Variants in ERAP1 observed in about 807,000 individuals in gnomAD.
ERAP1 encodes the protein adipocyte-derived leucine aminopeptidase.
A neutral mutation model predicts 103.7 loss-of-function variants in ERAP1; 86 were observed. That is an observed-to-expected ratio of 0.83 (90% confidence interval 0.70 to 0.99). The LOEUF is 0.99. Ranked by LOEUF, ERAP1 falls within the 50% of genes least tolerant of loss-of-function variation. The pLI is 0.00. For missense variants in ERAP1, 1,009 were observed against 1,128.4 expected, an observed-to-expected ratio of 0.89 and a Z score of 1.52; for synonymous variants, 398 against 402.4, an observed-to-expected ratio of 0.99 and a Z score of 0.13.
chr5:96,774,418 T>C, downstream of ERAP1: 2 of 685,812 alleles, frequency 2.9e-6, no homozygotes, highest in Non-Finnish European at 3.6e-6. Flanking sequence ...TGGAGTAAGC[T>C]ACAGGATCTA....
At chr5:96,843,810 C>G in the ERAP1 span, among the ~76,000 whole-genome samples, 1 of 152,140 alleles carries the variant, frequency 6.6e-6, no homozygotes, top group Non-Finnish European at 1.5e-5. Flanking sequence ...GAATCAAGTC[C>G]AAGAGCCAGA....
At chr5:96,920,672 A>G in the ERAP1 span, among the ~76,000 whole-genome samples, 1 of 152,170 alleles carries the variant, frequency 6.6e-6, no homozygotes, top group South Asian at 2.1e-4. Flanking sequence ...ACCTTCTTTC[A>G]TCCATGTAAC....
At chr5:96,818,562 CT>C in the ERAP1 span, among the ~76,000 whole-genome samples, 96,563 of 151,828 alleles carry the variant, frequency 0.64, 31,518 homozygotes, top group Non-Finnish European at 0.72. Context: ...GCTTGAGAGG[CT>C]TTTTTTGTTG....
At chr5:96,781,575 A>T in intron 16 of ERAP1, 118 bp downstream of exon 16, 1 of 1,297,012 alleles carries the variant, frequency 7.7e-7, no homozygotes, top group Non-Finnish European at 1.1e-6. Context: ...GCTGACTTGC[A>T]GTATGTTCCC....
the ERAP1 span, among the ~76,000 whole-genome samples, chr5:96,856,363 TATAGAG>T: frequency 3.6e-5 from 1 of 27,780 alleles, no homozygotes; most frequent in South Asian, 1.0e-3. Flanking sequence ...TATATATATA[TATAGAG>T]AGAGAGAGAG....
chr5:96,783,844 C>G, intron 14 of ERAP1, 80 bp downstream of exon 14: 2 of 501,334 alleles, frequency 4.0e-6, no homozygotes, highest in Non-Finnish European at 5.5e-6. Context: ...CACACACACA[C>G]ACACACACAC....
the ERAP1 span, chr5:96,909,822 G>A: frequency 7.1e-5 from 109 of 1,538,258 alleles, no homozygotes; most frequent in African/African-American, 1.3e-3. Flanking sequence ...AAAAGTCTTT[G>A]ATCAAGCAAG....
At chr5:96,876,403 G>C in the ERAP1 span, 1 of 152,386 alleles carries the variant, frequency 6.6e-6, no homozygotes, top group African/African-American at 2.4e-5. Flanking sequence ...ATTCACACCT[G>C]CGTGATAATG....
the ERAP1 span, chr5:96,903,524 G>C: frequency 6.2e-7 from 1 of 1,610,596 alleles, no homozygotes; most frequent in Non-Finnish European, 8.5e-7. Context: ...CCTAAGGACA[G>C]AGTAGGTCTG....
At chr5:96,802,471 T>C (rs1342883479) in intron 2 of ERAP1, among the ~76,000 whole-genome samples, 1 of 152,144 alleles carries the variant, frequency 6.6e-6, no homozygotes, top group Non-Finnish European at 1.5e-5. Context: ...CAGGGGGCTA[T>C]GAGTGAAATA....
At chr5:96,857,525 T>A in the ERAP1 span, among the ~76,000 whole-genome samples, 7,408 of 152,234 alleles carry the variant, frequency 0.049, 220 homozygotes, top group South Asian at 0.11. Flanking sequence ...AATAAAAAAC[T>A]ACAAATGCAA....
the ERAP1 span, among the ~76,000 whole-genome samples, chr5:96,844,968 G>T: frequency 1.3e-5 from 2 of 152,162 alleles, no homozygotes; most frequent in Non-Finnish European, 2.9e-5. Flanking sequence ...GAAAAATTAT[G>T]TCTGATTCCT....
chr5:96,912,932 C>A, the ERAP1 span: 1 of 696,922 alleles, frequency 1.4e-6, no homozygotes, highest in African/African-American at 1.9e-5. Context: ...ACTTTACTTT[C>A]AGAAAAGAAT....
chr5:96,922,457 A>G, the ERAP1 span, among the ~76,000 whole-genome samples: 1 of 152,218 alleles, frequency 6.6e-6, no homozygotes, highest in Non-Finnish European at 1.5e-5. Context: ...CTTGGGGCAC[A>G]TAAGACTGCT....
intron 11 of ERAP1, among the ~76,000 whole-genome samples, chr5:96,787,778 T>C (rs1776227501): frequency 1.2e-5 from 1 of 86,206 alleles, no homozygotes; most frequent in South Asian, 3.5e-4. Context: ...GAGGGAGGTG[T>C]ATATATTATA....
chr5:96,872,367 G>A, the ERAP1 span, among the ~76,000 whole-genome samples: 2 of 150,454 alleles, frequency 1.3e-5, no homozygotes, highest in Admixed American at 1.3e-4. Context: ...GAAAGGCCAA[G>A]GCAGGTGGAT....
chr5:96,887,256 G>T, the ERAP1 span, among the ~76,000 whole-genome samples: 209 of 150,490 alleles, frequency 1.4e-3, 4 homozygotes, highest in Non-Finnish European at 2.1e-4. Flanking sequence ...GTTTAATAAG[G>T]ATTTTAAAAT....
At chr5:96,834,213 T>G in the ERAP1 span, among the ~76,000 whole-genome samples, 13,917 of 152,246 alleles carry the variant, frequency 0.091, 846 homozygotes, top group Middle Eastern at 0.16. Flanking sequence ...CACAAGAATC[T>G]CCTTCTCCAA....
chr5:96,778,152 T>G (rs1463664748), intron 18 of ERAP1, among the ~76,000 whole-genome samples: 2 of 152,232 alleles, frequency 1.3e-5, no homozygotes, highest in Non-Finnish European at 2.9e-5. Context: ...CTGATATTTA[T>G]TCATCCCTCT....
Sources: gnomAD v4.1 joint callset for allele counts (sites outside exome capture counted in the v4.1 genomes callset) on GRCh38, gnomAD v4.1.1 for gene constraint, MANE v1.5 for transcripts, NCBI Gene and HGNC (gene_info 2026-07-23, HGNC 2026-07-21) for gene names.